Variants in ING5 observed in about 807,000 individuals in gnomAD.
ING5 encodes the protein inhibitor of growth protein 5.
In ING5, 17 loss-of-function variants were observed where a neutral mutation model predicts 37.4. The ratio of observed to expected loss-of-function variants is 0.45; its 90% CI spans 0.31 to 0.68. ING5 has a LOEUF of 0.68. Among genes scored for constraint, ING5 ranks in the 30% least tolerant of loss-of-function variants. The pLI, the probability that ING5 is intolerant of heterozygous loss-of-function variation, is 0.05. For synonymous variants in ING5, 123 were observed against 116.6 expected (o/e 1.06, Z -0.36); for missense variants, 233 against 311.9 (o/e 0.75, Z 1.91).
In ING5 at chr2:241,705,546, T is replaced by C. The variant is rs1332503443; in HGVS notation, c.109+822T>C. On this transcript the variant is annotated intron_variant, in intron 2 of 7. Transcript: ENST00000313552. Reference sequence around the variant, plus strand: ...CCGAGTAGCTGGGACTACAGTCACATGCCACCACACCCAGCTAATTTTTTG... The same window carrying C: ...CCGAGTAGCTGGGACTACAGTCACACGCCACCACACCCAGCTAATTTTTTG... 2.0e-5 allele frequency among the ~76,000 whole-genome samples: 3 copies of C among 151,496 alleles called. No homozygotes were observed. The East Asian group carries it at 5.8e-4, about 29-fold the overall frequency.
upstream of ING5, chr2:241,701,930 C>A (rs934191823): frequency 2.3e-5 from 9 of 395,852 alleles, no homozygotes; most frequent in African/African-American, 1.3e-4. Flanking sequence ...AGCTGAAAGG[C>A]GTGTCCGACC....
chr2:241,698,161 C>CG (rs1553579952), upstream of ING5, among the ~76,000 whole-genome samples: 1,592 of 150,116 alleles, frequency 0.011, 30 homozygotes, highest in African/African-American at 0.038. Context: ...AATAATGTAT[C>CG]GGGCCCGCCG....
upstream of ING5, among the ~76,000 whole-genome samples, chr2:241,700,150 GTTTTTTTTTTTTTTT>G (rs780209565): frequency 2.7e-5 from 2 of 73,310 alleles, no homozygotes; most frequent in South Asian, 1.1e-3. Context: ...GCCCGGCTAA[GTTTTTTTTTTTTTTT>G]TTTTTTTTTG....
At chr2:241,706,219 C>T (rs184951741) in intron 2 of ING5, among the ~76,000 whole-genome samples, 1 of 152,202 alleles carries the variant, frequency 6.6e-6, no homozygotes, top group African/African-American at 2.4e-5. Context: ...TCCTTTCACC[C>T]CTCTTCAGTG....
At chr2:241,699,104 ATCC>A (rs1559296698), upstream of ING5, among the ~76,000 whole-genome samples, 1 of 151,348 alleles carries the variant, frequency 6.6e-6, no homozygotes, top group Non-Finnish European at 1.5e-5. Flanking sequence ...AGCTGACTGC[ATCC>A]TCTGCCTCCT....
At chr2:241,720,736 T>C in intron 5 of ING5, 1 of 985,470 alleles carries the variant, frequency 1.0e-6, no homozygotes, top group Non-Finnish European at 1.2e-6. Flanking sequence ...GGGTGCCTCT[T>C]GTGGCAGTGG....
rs1439922271 is a variant in ING5, at chr2:241,704,803, A to T, written c.109+79A>T. On this transcript the variant is annotated intron_variant, in intron 2 of 7. Coordinates refer to ENST00000313552, the MANE Select transcript of ING5 (RefSeq NM_032329.6). ...AGCAGCTCCTGAAGGCTGGGGGCAG[A>T]GGGTTTTGAGGGGACCCAGGTTAGT... is the stretch of plus-strand genomic sequence containing the variant. The T allele has an allele frequency of 5.1e-6, 6 of 1,176,122 alleles. No individual in the cohort carries two copies. In the Admixed American group the frequency reaches 1.0e-4, roughly 20 times the overall value. The allele number at this position is 1,176,122 out of a possible 1,614,324, so 72.9% of individuals were successfully genotyped here. A position where few individuals can be genotyped will look rare whatever the true frequency, so the allele number is the denominator to read the frequency against.
chr2:241,713,373 T>TG (rs1434136581), intron 5 of ING5, among the ~76,000 whole-genome samples: 2 of 142,976 alleles, frequency 1.4e-5, no homozygotes, highest in East Asian at 2.1e-4. Flanking sequence ...TTCAGTTTTT[T>TG]TTTTTTTTTT....
At chr2:241,691,085 C>T (rs752099112) in intron 2 of ING5, among the ~76,000 whole-genome samples, 1 of 151,600 alleles carries the variant, frequency 6.6e-6, no homozygotes, top group Non-Finnish European at 1.5e-5. Context: ...GCTGGGATTA[C>T]AGGCGTGAGC....
intron 5 of ING5, among the ~76,000 whole-genome samples, chr2:241,713,444 C>G (rs1451282778): frequency 8.2e-5 from 12 of 146,622 alleles, no homozygotes; most frequent in Non-Finnish European, 7.4e-5. Flanking sequence ...GATCTCAGCT[C>G]ACTGCAACCT....
At chr2:241,695,728 G>C (rs1226279610) in intron 2 of ING5, among the ~76,000 whole-genome samples, 1 of 152,152 alleles carries the variant, frequency 6.6e-6, no homozygotes, top group Non-Finnish European at 1.5e-5. Context: ...TCAGGGGTCT[G>C]TAAGGCGGTG....
rs776855216 is a variant in ING5, at chr2:241,709,201, C to G, written c.110-15C>G. The G allele has an allele frequency of 2.0e-5, 32 of 1,604,860 alleles. No homozygotes were observed. Among genetic ancestry groups the G allele is most frequent in the Non-Finnish European group, 2.6e-5 (31 of 1,174,662 alleles). ...GTCTTGTGCAGGGCTAGCTTTTCCC[C>G]CATTTCTCCATCAGATAAGAAAGCA... On this transcript the variant is annotated splice_polypyrimidine_tract_variant and intron_variant, in intron 2 of 7. Transcript: ENST00000313552.
chr2:241,710,630 A>G (rs1277861027), intron 3 of ING5, among the ~76,000 whole-genome samples: 1 of 152,152 alleles, frequency 6.6e-6, no homozygotes, highest in African/African-American at 2.4e-5. Context: ...GATTACAGGC[A>G]TGCGCCACCA....
At chr2:241,706,806 C>T (rs534528706) in intron 2 of ING5, among the ~76,000 whole-genome samples, 3 of 152,012 alleles carry the variant, frequency 2.0e-5, no homozygotes, top group East Asian at 1.9e-4. Context: ...CTAGCTTCCA[C>T]GTTGCTGCAG....
At chr2:241,702,022 G>T, upstream of ING5, 2 of 1,335,596 alleles carry the variant, frequency 1.5e-6, no homozygotes, top group Non-Finnish European at 1.9e-6. Context: ...GCCTCCCGCG[G>T]CACCGCCCGC....
intron 4 of ING5, 46 bp downstream of exon 4, chr2:241,711,534 GGAGTTTTGAA>G (rs2070111642): frequency 3.0e-6 from 4 of 1,340,656 alleles, no homozygotes; most frequent in Non-Finnish European, 4.2e-6. Flanking sequence ...TGTTAACTAT[GGAGTTTTGAA>G]GAGTTTTGTC....
At chr2:241,698,361 C>T (rs1006845751), upstream of ING5, among the ~76,000 whole-genome samples, 2 of 151,262 alleles carry the variant, frequency 1.3e-5, no homozygotes, top group East Asian at 3.9e-4. Flanking sequence ...GGGAGAATGG[C>T]GTGGATCCGG....
At chr2:241,692,273 A>C (rs189588571) in intron 2 of ING5, among the ~76,000 whole-genome samples, 1 of 151,950 alleles carries the variant, frequency 6.6e-6, no homozygotes, top group South Asian at 2.1e-4. Flanking sequence ...AACATTATGA[A>C]ACCTTAACTT....
intron 1 of ING5, among the ~76,000 whole-genome samples, chr2:241,702,440 A>C (rs1051230059): frequency 7.0e-6 from 1 of 143,228 alleles, no homozygotes. Flanking sequence ...CTCCGCCCCC[A>C]GCTCCGGCCC....
Sources: allele counts gnomAD v4.1 joint callset (sites outside exome capture counted in the v4.1 genomes callset), GRCh38; gene constraint gnomAD v4.1.1; transcripts MANE v1.5; gene names NCBI Gene and HGNC (gene_info 2026-07-23, HGNC 2026-07-21).